Variants in NOL4L observed in about 807,000 individuals in gnomAD.
NOL4L encodes nucleolar protein 4-like.
A neutral mutation model predicts 64.5 loss-of-function variants in NOL4L; 7 were observed. That is an observed-to-expected ratio of 0.11 (90% CI 0.06 to 0.20). NOL4L has a LOEUF of 0.20. Among genes scored for constraint, NOL4L ranks in the 10% least tolerant of loss-of-function variants. The pLI, the probability that NOL4L is intolerant of heterozygous loss-of-function variation, is 1.00. For missense variants in NOL4L, 680 were observed against 967.1 expected, an observed-to-expected ratio of 0.70 and a Z score of 3.94; for synonymous variants, 413 against 401.0, an observed-to-expected ratio of 1.03 and a Z score of -0.36.
chr20:32,573,653 G>A (rs1568721227), intron 1 of NOL4L: 2 of 220,712 alleles, frequency 9.1e-6, no homozygotes, highest in Non-Finnish European at 1.9e-5. Flanking sequence ...GAGGCTCAGA[G>A]AGGGGAAGTA....
chr20:32,488,791 C>CT (rs1162207661), intron 4 of NOL4L, among the ~76,000 whole-genome samples: 1 of 53,498 alleles, frequency 1.9e-5, no homozygotes, highest in African/African-American at 1.4e-4. Context: ...TCCTTCCTTC[C>CT]TTTCTTTCTT....
rs932529309 is a variant in NOL4L, at chr20:32,462,461, G to A, written c.842-6066C>T. 2.0e-5 allele frequency among the ~76,000 whole-genome samples: 3 copies of A among 152,192 alleles called. No individual in the cohort carries two copies. In the South Asian group the frequency reaches 6.2e-4, roughly 31 times the overall value. Reference sequence around the variant, plus strand: ...GCCCACAGGAGGGCTCATGCCCACAGAAGGGGCTGGCTGCAACCCTCACAC... The same window carrying A: ...GCCCACAGGAGGGCTCATGCCCACAAAAGGGGCTGGCTGCAACCCTCACAC... On this transcript the variant is annotated intron_variant, in intron 5 of 10. Coordinates refer to ENST00000621426, the MANE Select transcript of NOL4L (RefSeq NM_001256798.2).
intron 4 of NOL4L, among the ~76,000 whole-genome samples, chr20:32,492,082 G>A (rs1175248299): frequency 6.6e-6 from 1 of 152,192 alleles, no homozygotes; most frequent in East Asian, 1.9e-4. Flanking sequence ...CTGCATTCTA[G>A]CCTGGGCCAC....
At position 32,488,210 on chromosome 20, in the gene NOL4L, G is replaced by A. The variant is rs1007390583; in HGVS notation, c.700-13468C>T. Among the ~76,000 whole-genome samples, 7 of 152,146 alleles carry A rather than the reference G, an allele frequency of 4.6e-5. No homozygotes were observed. The South Asian group carries it at 6.2e-4, about 14-fold the overall frequency. ...CTTCCAAAGACCCACTATGTTTAAC[G>A]TGTGTTTAACGTAGCATTTGGCACC... is the stretch of plus-strand genomic sequence containing the variant. On this transcript the variant is annotated intron_variant, in intron 4 of 10. Coordinates refer to ENST00000621426, the MANE Select transcript of NOL4L (RefSeq NM_001256798.2).
At position 32,520,839 on chromosome 20, in the gene NOL4L, G is replaced by A. The variant is rs1206136173; in HGVS notation, c.561C>T (p.His187=). The A allele has an allele frequency of 2.6e-6, 4 of 1,550,588 alleles. No individual in the cohort carries two copies. Among genetic ancestry groups the A allele is most frequent in the Admixed American group, 2.0e-5 (1 of 50,962 alleles). ...TGGGTTCCAGGCCATTGGAGTTAAA[G>A]TGCATCCTCTTCTGACACTCCGTAC... ...MSCTECQKRM[H]FNSNGLEPKE... The change falls in exon 3 of 11, where the codon CAC becomes CAT. Residue 187 remains histidine (H), a synonymous_variant. Coordinates refer to ENST00000621426, the MANE Select transcript of NOL4L (RefSeq NM_001256798.2).
chr20:32,538,721 C>A (rs1036698077), intron 1 of NOL4L, among the ~76,000 whole-genome samples: 2 of 152,222 alleles, frequency 1.3e-5, no homozygotes, highest in Non-Finnish European at 2.9e-5. Context: ...CTCTCAGTAG[C>A]AGAGCTGCCT....
At chr20:32,509,517 CAAAA>C (rs71338441) in intron 4 of NOL4L, among the ~76,000 whole-genome samples, 1 of 62,842 alleles carries the variant, frequency 1.6e-5, no homozygotes, top group Non-Finnish European at 3.3e-5. Flanking sequence ...GACTCTGCCT[CAAAA>C]AAAAAAAAAA....
intron 1 of NOL4L, among the ~76,000 whole-genome samples, chr20:32,558,532 G>A (rs189175391): frequency 2.2e-4 from 33 of 152,326 alleles, no homozygotes; most frequent in South Asian, 1.2e-3. Flanking sequence ...ACTGACTCAC[G>A]GTTCTGGAAA....
Position 32,456,312 on chromosome 20 carries a change from C to T in NOL4L, c.925G>A (p.Ala309Thr). 6.4e-7 allele frequency: 1 copy of T among 1,573,414 alleles called. No individual in the cohort carries two copies. Among genetic ancestry groups the T allele is most frequent in the Non-Finnish European group, 8.6e-7 (1 of 1,156,792 alleles). The change falls in exon 6 of 11, where the codon GCC becomes ACC. Residue 309 changes from alanine (A) to threonine (T), a missense_variant. Ala to Thr is a moderately conservative substitution (Grantham distance 58). Coordinates refer to ENST00000621426, the MANE Select transcript of NOL4L (RefSeq NM_001256798.2). ...STSSSTQGDP[A>T]FPEMNGNGAV... The stretch of plus-strand genomic sequence containing the variant: ...CCGTTGCCATTCATCTCGGGGAAGG[C>T]AGGGTCGCCCTGCGTGCTGCTCGAC...
intron 1 of NOL4L, among the ~76,000 whole-genome samples, chr20:32,581,350 C>T (rs1021235323): frequency 3.9e-5 from 6 of 152,168 alleles, no homozygotes; most frequent in South Asian, 2.1e-4. Context: ...TGGGCCCGTC[C>T]GGACAGATTA....
At chr20:32,529,555 T>C (rs555793584) in intron 1 of NOL4L, among the ~76,000 whole-genome samples, 1 of 152,308 alleles carries the variant, frequency 6.6e-6, no homozygotes, top group Non-Finnish European at 1.5e-5. Flanking sequence ...TTTCACCCAG[T>C]AGCTTTCTCG....
intron 4 of NOL4L, among the ~76,000 whole-genome samples, chr20:32,489,355 CTTTTATT>C (rs951596110): frequency 6.6e-6 from 1 of 151,232 alleles, no homozygotes; most frequent in African/African-American, 2.4e-5. Context: ...CATCTTTTAT[CTTTTATT>C]TTTTATTTTT....
chr20:32,538,462 G>GCTCCCTCCCTCC (rs145359787), intron 1 of NOL4L, among the ~76,000 whole-genome samples: 104 of 125,908 alleles, frequency 8.3e-4, no homozygotes, highest in African/African-American at 2.8e-3. Context: ...TCCCTCCCTC[G>GCTCCCTCCCTCC]CTCCCTCCCT....
At chr20:32,514,636 G>T (rs1353514134) in intron 3 of NOL4L, among the ~76,000 whole-genome samples, 1 of 151,880 alleles carries the variant, frequency 6.6e-6, no homozygotes, top group Non-Finnish European at 1.5e-5. Flanking sequence ...AACTCAAATG[G>T]GTTTCCACCC....
chr20:32,522,458 T>C (rs2017979955), intron 2 of NOL4L, among the ~76,000 whole-genome samples: 1 of 152,126 alleles, frequency 6.6e-6, no homozygotes, highest in South Asian at 2.1e-4. Flanking sequence ...GTCCGAGGGA[T>C]GGGGCTTTTC....
chr20:32,518,778 G>A (rs1001417297), intron 3 of NOL4L, among the ~76,000 whole-genome samples: 2 of 152,232 alleles, frequency 1.3e-5, no homozygotes, highest in Non-Finnish European at 2.9e-5. Context: ...CTAAACCCTG[G>A]CAGGGTGGAG....
chr20:32,446,827 G>GTGGTC lies in NOL4L; in HGVS notation c.*768_*769insGACCA. Reference sequence around the variant, plus strand: ...TAGAATACAGGTGACCATGGACTGGGGCTTCTGTAGAATGGGGTCGGGGTG... The same window carrying GTGGTC: ...TAGAATACAGGTGACCATGGACTGGGTGGTCGCTTCTGTAGAATGGGGTCGGGGTG... On this transcript the variant is annotated 3_prime_UTR_variant, in exon 11 of 11. Transcript: ENST00000621426. The GTGGTC allele has an allele frequency of 4.7e-6, 1 of 210,582 alleles. No individual in the cohort carries two copies. Among genetic ancestry groups the GTGGTC allele is most frequent in the Non-Finnish European group, 9.6e-6 (1 of 103,680 alleles). 13.0% of individuals were successfully genotyped at this position (210,582 alleles called of 1,614,324 possible). A position where few individuals can be genotyped will look rare whatever the true frequency, so the allele number is the denominator to read the frequency against.
chr20:32,518,460 T>A (rs2017773359), intron 3 of NOL4L, among the ~76,000 whole-genome samples: 1 of 152,008 alleles, frequency 6.6e-6, no homozygotes, highest in Non-Finnish European at 1.5e-5. Flanking sequence ...AGATGAGGAG[T>A]GCAGCCTGCA....
intron 1 of NOL4L, chr20:32,536,422 T>C (rs955663696): frequency 1.8e-6 from 1 of 562,738 alleles, no homozygotes; most frequent in African/African-American, 2.1e-5. Context: ...CGCTAATGAC[T>C]GTTGACAGCG....
Sources: allele counts gnomAD v4.1 joint callset (sites outside exome capture counted in the v4.1 genomes callset), GRCh38; gene constraint gnomAD v4.1.1; transcripts MANE v1.5; gene names NCBI Gene and HGNC (gene_info 2026-07-23, HGNC 2026-07-21).